Variants in CDH12 observed in about 807,000 individuals in gnomAD.
The protein encoded by CDH12 is cadherin 12.
Under a neutral mutation model 74.1 loss-of-function variants are expected in CDH12, and 41 were observed. That is an observed-to-expected ratio of 0.55 (90% CI 0.43 to 0.72). The LOEUF (loss-of-function observed/expected upper bound fraction) is 0.72, where lower values mean the gene tolerates loss of function less well. CDH12 is among the 30% of genes least tolerant of loss of function. The pLI is 0.00. For missense variants in CDH12, 945 were observed against 977.2 expected, an observed-to-expected ratio of 0.97 and a Z score of 0.44; for synonymous variants, 399 against 355.0, an observed-to-expected ratio of 1.12 and a Z score of -1.39.
At chr5:21,891,363 T>C (rs1247966327) in intron 6 of CDH12, among the ~76,000 whole-genome samples, 3 of 152,090 alleles carry the variant, frequency 2.0e-5, no homozygotes, top group South Asian at 2.1e-4. Flanking sequence ...AGTATTAACA[T>C]TGCATCTTTC....
At chr5:21,804,247 C>T (rs776121188) in intron 9 of CDH12, among the ~76,000 whole-genome samples, 5 of 151,788 alleles carry the variant, frequency 3.3e-5, no homozygotes, top group African/African-American at 7.3e-5. Flanking sequence ...GCATAATATG[C>T]GATGGTTGAT....
intron 2 of CDH12, among the ~76,000 whole-genome samples, chr5:22,503,812 C>G (rs180895055): frequency 1.3e-5 from 2 of 152,042 alleles, no homozygotes; most frequent in East Asian, 3.9e-4. Context: ...TTTTAATGCT[C>G]TGTTATGCTT....
intron 1 of CDH12, among the ~76,000 whole-genome samples, chr5:22,517,457 T>TA (rs1736858457): frequency 6.6e-6 from 1 of 152,148 alleles, no homozygotes; most frequent in Non-Finnish European, 1.5e-5. Context: ...AAGGGAATTT[T>TA]AAAAAATATT....
chr5:21,869,281 G>C (rs578028199), intron 6 of CDH12, among the ~76,000 whole-genome samples: 2 of 152,240 alleles, frequency 1.3e-5, no homozygotes, highest in African/African-American at 4.8e-5. Flanking sequence ...AGGTCAATGG[G>C]AAGTTACAAT....
chr5:22,214,311 G>A (rs1197108722), intron 3 of CDH12, among the ~76,000 whole-genome samples: 1 of 152,054 alleles, frequency 6.6e-6, no homozygotes, highest in Non-Finnish European at 1.5e-5. Flanking sequence ...AGCCGAATGT[G>A]AAGAAACCCA....
intron 6 of CDH12, among the ~76,000 whole-genome samples, chr5:21,888,070 GA>G (rs1394426919): frequency 6.6e-6 from 1 of 152,084 alleles, no homozygotes; most frequent in Non-Finnish European, 1.5e-5. Context: ...AGGAGGGTCT[GA>G]AAAGACTGCT....
intron 1 of CDH12, among the ~76,000 whole-genome samples, chr5:22,622,685 C>T (rs1349280436): frequency 7.2e-6 from 1 of 138,076 alleles, no homozygotes; most frequent in Non-Finnish European, 1.6e-5. Flanking sequence ...AATTAGTAGC[C>T]TACCACCAAA....
At chr5:22,772,876 A>G (rs1490175465) in intron 1 of CDH12, among the ~76,000 whole-genome samples, 2 of 152,030 alleles carry the variant, frequency 1.3e-5, no homozygotes, top group Non-Finnish European at 2.9e-5. Context: ...GAAATTAAAG[A>G]TGTGGATTTT....
In CDH12 at chr5:21,752,193, T is replaced by C; in HGVS notation, c.1929A>G (p.Lys643=). The C allele has an allele frequency of 6.2e-7, 1 of 1,613,760 alleles. No homozygotes were observed. ...CTTCTTTAGAGGTCATCAGGGTGTC[T>C]TTTTTCTTCTGCCTTCGCAGTGCTA... ...LYVALRRQKK[K]DTLMTSKEDI... The change falls in exon 15 of 15, where the codon AAA becomes AAG. Residue 643 remains lysine, a synonymous_variant. Transcript: ENST00000382254.
intron 1 of CDH12, among the ~76,000 whole-genome samples, chr5:22,537,438 T>C (rs539886734): frequency 6.2e-4 from 94 of 152,294 alleles, no homozygotes; most frequent in Middle Eastern, 3.4e-3. Flanking sequence ...CATTTTAAAG[T>C]TCACCTTGAT....
intron 9 of CDH12, among the ~76,000 whole-genome samples, chr5:21,809,589 C>T (rs1747634331): frequency 6.6e-6 from 1 of 152,090 alleles, no homozygotes; most frequent in Non-Finnish European, 1.5e-5. Context: ...TTTGTAGAAT[C>T]AGTAAAACAT....
intron 1 of CDH12, among the ~76,000 whole-genome samples, chr5:22,645,307 C>T (rs1450474554): frequency 6.6e-6 from 1 of 152,076 alleles, no homozygotes; most frequent in Non-Finnish European, 1.5e-5. Flanking sequence ...AATTCCAACT[C>T]TTCTGTATGA....
At chr5:22,311,310 A>G (rs1738378719) in intron 3 of CDH12, among the ~76,000 whole-genome samples, 1 of 152,244 alleles carries the variant, frequency 6.6e-6, no homozygotes, top group Admixed American at 6.5e-5. Flanking sequence ...TTACATTAAA[A>G]TAACATAAAT....
intron 1 of CDH12, among the ~76,000 whole-genome samples, chr5:22,693,930 A>T (rs269015): frequency 0.71 from 107,957 of 151,806 alleles, 38,804 homozygotes; most frequent in African/African-American, 0.8. Context: ...TAAAAAAAAA[A>T]TTATTTATTT....
intron 6 of CDH12, among the ~76,000 whole-genome samples, chr5:21,875,817 C>CATT (rs1751905698): frequency 6.6e-6 from 1 of 151,844 alleles, no homozygotes; most frequent in African/African-American, 2.4e-5. Flanking sequence ...TTCAGCTTAT[C>CATT]ATTACTGCTT....
At chr5:22,519,140 G>T (rs935616596) in intron 1 of CDH12, among the ~76,000 whole-genome samples, 1 of 152,144 alleles carries the variant, frequency 6.6e-6, no homozygotes, top group Non-Finnish European at 1.5e-5. Flanking sequence ...CTCAGGTACT[G>T]TGAGTCTTAG....
At chr5:22,300,035 A>C (rs1040796865) in intron 3 of CDH12, among the ~76,000 whole-genome samples, 2 of 152,214 alleles carry the variant, frequency 1.3e-5, no homozygotes, top group Admixed American at 1.3e-4. Context: ...TTTAAAATGA[A>C]TATGTATTTA....
At chr5:21,791,659 C>A (rs1746505611) in intron 10 of CDH12, among the ~76,000 whole-genome samples, 1 of 146,086 alleles carries the variant, frequency 6.8e-6, no homozygotes, top group Non-Finnish European at 1.5e-5. Context: ...TAATTTCATA[C>A]AATTATGTAC....
chr5:21,898,642 A>C (rs1280804301), intron 6 of CDH12, among the ~76,000 whole-genome samples: 1 of 152,034 alleles, frequency 6.6e-6, no homozygotes, highest in Non-Finnish European at 1.5e-5. Flanking sequence ...GCTGAGGTTG[A>C]AATGAGCTGA....
Sources: gnomAD v4.1 joint callset for allele counts (sites outside exome capture counted in the v4.1 genomes callset) on GRCh38, gnomAD v4.1.1 for gene constraint, MANE v1.5 for transcripts, NCBI Gene and HGNC (gene_info 2026-07-23, HGNC 2026-07-21) for gene names.